Variants in SNAPC3 observed in about 807,000 individuals in gnomAD.
SNAPC3 encodes small nuclear RNA activating complex polypeptide 3, also known as snRNA-activating protein complex subunit 3.
A neutral mutation model predicts 47.7 loss-of-function variants in SNAPC3; 56 were observed. That is an observed-to-expected ratio of 1.18 (90% CI 0.95 to 1.47). The LOEUF (loss-of-function observed/expected upper bound fraction) is 1.47, where lower values mean the gene tolerates loss of function less well. Among genes scored for constraint, SNAPC3 ranks in the 40% most tolerant of loss-of-function variants. The probability of loss-of-function intolerance (pLI) is 0.00; values close to 1 mark genes in which losing one functional copy is unlikely to be tolerated. For missense variants in SNAPC3, 665 were observed against 511.3 expected (o/e 1.30, Z -2.90); for synonymous variants, 235 against 189.9 (o/e 1.24, Z -1.95).
chr9:15,430,978 C>G (rs1017355495), intron 2 of SNAPC3, among the ~76,000 whole-genome samples: 1 of 152,164 alleles, frequency 6.6e-6, no homozygotes, highest in African/African-American at 2.4e-5. Context: ...CTTTTAAATA[C>G]TTTTCTTTTG....
At chr9:15,444,503 A>C (rs2033765981) in intron 3 of SNAPC3, 99 bp from the exon 4 acceptor site, 1 of 706,882 alleles carries the variant, frequency 1.4e-6, no homozygotes, top group Non-Finnish European at 2.5e-6. Flanking sequence ...GTCAAACCCA[A>C]GGCTGCTTGA....
chr9:15,442,956 G>T (rs533625331), intron 3 of SNAPC3, among the ~76,000 whole-genome samples: 1 of 152,344 alleles, frequency 6.6e-6, no homozygotes, highest in African/African-American at 2.4e-5. Flanking sequence ...ATCACTCGCA[G>T]TTAGGAGCTG....
chr9:15,465,961 A>C (rs370026931), downstream of SNAPC3: 70 of 167,526 alleles, frequency 4.2e-4, no homozygotes, highest in African/African-American at 1.6e-3. Context: ...ACACATAGAC[A>C]ACAAGATTTC....
At chr9:15,463,438 A>G (rs1193034797), downstream of SNAPC3, 2 of 142,678 alleles carry the variant, frequency 1.4e-5, no homozygotes, top group African/African-American at 5.2e-5. Flanking sequence ...GTACATACAC[A>G]CACATACCAG....
At chr9:15,435,580 A>T (rs1587230320) in intron 3 of SNAPC3, among the ~76,000 whole-genome samples, 1 of 151,922 alleles carries the variant, frequency 6.6e-6, no homozygotes, top group Admixed American at 6.6e-5. Flanking sequence ...CTCAAAAAAA[A>T]ATTAGCCGGG....
chr9:15,445,943 C>T (rs2033895920), intron 4 of SNAPC3, among the ~76,000 whole-genome samples: 1 of 152,108 alleles, frequency 6.6e-6, no homozygotes, highest in South Asian at 2.1e-4. Context: ...CTCACCGCCA[C>T]CCCCTTCTCC....
At chr9:15,441,393 T>TTTC (rs1229407817) in intron 3 of SNAPC3, among the ~76,000 whole-genome samples, 3 of 127,864 alleles carry the variant, frequency 2.3e-5, no homozygotes, top group Non-Finnish European at 5.1e-5. Flanking sequence ...CTTTTTTTTT[T>TTTC]TTTTTTTTTT....
intron 4 of SNAPC3, among the ~76,000 whole-genome samples, chr9:15,445,986 AAG>A (rs1485857341): frequency 6.6e-6 from 1 of 152,192 alleles, no homozygotes; most frequent in Non-Finnish European, 1.5e-5. Flanking sequence ...CAATCATAAA[AAG>A]AAACCAAACC....
chr9:15,451,252 T>C (rs1214016124), intron 5 of SNAPC3, 68 bp from the exon 6 acceptor site: 3 of 608,832 alleles, frequency 4.9e-6, no homozygotes, highest in Non-Finnish European at 8.5e-6. Context: ...TATTTTGAAT[T>C]AATACTTAGA....
intron 2 of SNAPC3, among the ~76,000 whole-genome samples, chr9:15,432,964 C>A (rs2032350436): frequency 6.6e-6 from 1 of 152,108 alleles, no homozygotes; most frequent in Non-Finnish European, 1.5e-5. Context: ...GGTGCAGGAA[C>A]CTGGCAGACA....
chr9:15,454,510 A>G (rs2034626855), intron 7 of SNAPC3, among the ~76,000 whole-genome samples: 1 of 152,234 alleles, frequency 6.6e-6, no homozygotes, highest in Non-Finnish European at 1.5e-5. Flanking sequence ...CAGAGATTTG[A>G]TCAAGGGTCT....
Position 15,459,971 on chromosome 9 carries a change from A to T in SNAPC3, c.*105A>T. ...CTGAGGAACAGGATCCACTTTGAAC[A>T]GTCCGCTAAAGCTATCAAAAAAAAG... On this transcript the variant is annotated 3_prime_UTR_variant, in exon 9 of 9. Coordinates refer to ENST00000380821, the MANE Select transcript of SNAPC3 (RefSeq NM_001039697.2). 1.1e-6 allele frequency: 1 copy of T among 940,764 alleles called. No homozygotes were observed. The allele number at this position is 940,764 out of a possible 1,614,324, so 58.3% of individuals were successfully genotyped here. A position where few individuals can be genotyped will look rare whatever the true frequency, so the allele number is the denominator to read the frequency against.
chr9:15,425,817 T>A (rs2031302778), intron 2 of SNAPC3, among the ~76,000 whole-genome samples: 1 of 152,206 alleles, frequency 6.6e-6, no homozygotes, highest in South Asian at 2.1e-4. Context: ...GTCCTGAGTC[T>A]GTAGTGGCTC....
At chr9:15,424,792 TTC>T (rs1043217382) in intron 2 of SNAPC3, among the ~76,000 whole-genome samples, 1 of 152,260 alleles carries the variant, frequency 6.6e-6, no homozygotes, top group Non-Finnish European at 1.5e-5. Context: ...CTCAGCTATG[TTC>T]TGTCGTTCTT....
chr9:15,444,792 TTA>T, intron 4 of SNAPC3, 86 bp downstream of exon 4: 1 of 722,650 alleles, frequency 1.4e-6, no homozygotes, highest in Non-Finnish European at 2.3e-6. Context: ...ATTCCTATGC[TTA>T]CATTAAAAAT....
At chr9:15,454,706 G>A (rs1057427981) in intron 7 of SNAPC3, among the ~76,000 whole-genome samples, 1 of 152,230 alleles carries the variant, frequency 6.6e-6, no homozygotes, top group South Asian at 2.1e-4. Context: ...GGGAGGCCAA[G>A]GCGGGCAGAT....
chr9:15,449,571 T>A (rs1286466565), intron 5 of SNAPC3, among the ~76,000 whole-genome samples: 30 of 126,438 alleles, frequency 2.4e-4, no homozygotes, highest in African/African-American at 4.9e-4. Flanking sequence ...ATATTTTTTT[T>A]TTTTTTTTTT....
At chr9:15,450,122 T>G (rs1415602511) in intron 5 of SNAPC3, among the ~76,000 whole-genome samples, 1 of 152,144 alleles carries the variant, frequency 6.6e-6, no homozygotes, top group Non-Finnish European at 1.5e-5. Flanking sequence ...AGATTTTGTA[T>G]TGTAGCAGCT....
intron 7 of SNAPC3, among the ~76,000 whole-genome samples, chr9:15,454,951 G>T (rs1347955529): frequency 6.6e-6 from 1 of 151,868 alleles, no homozygotes; most frequent in Non-Finnish European, 1.5e-5. Context: ...AAATAAATAA[G>T]AAAATTAAGC....
Sources: allele counts gnomAD v4.1 joint callset (sites outside exome capture counted in the v4.1 genomes callset), GRCh38; gene constraint gnomAD v4.1.1; transcripts MANE v1.5; gene names NCBI Gene and HGNC (gene_info 2026-07-23, HGNC 2026-07-21).